AGAP1: variants seen among roughly 807,000 people sequenced by gnomAD.
The protein encoded by AGAP1 is ArfGAP with GTPase domain, ankyrin repeat and PH domain 1, also known as arf-GAP with GTPase, ANK repeat and PH domain-containing protein 1.
Under a neutral mutation model 105.3 loss-of-function variants are expected in AGAP1, and 29 were observed. The observed-to-expected ratio is 0.28, with a 90% confidence interval of 0.21 to 0.38. AGAP1 has a LOEUF of 0.38. Ranked by LOEUF, AGAP1 falls within the 10% of genes least tolerant of loss-of-function variation. The probability of loss-of-function intolerance (pLI) is 1.00; values close to 1 mark genes in which losing one functional copy is unlikely to be tolerated. For missense variants in AGAP1, 998 were observed against 1,165.1 expected, an observed-to-expected ratio of 0.86 and a Z score of 2.09; for synonymous variants, 509 against 485.9, an observed-to-expected ratio of 1.05 and a Z score of -0.63.
intron 1 of AGAP1, among the ~76,000 whole-genome samples, chr2:235,640,833 A>C (rs950784176): frequency 6.6e-6 from 1 of 152,214 alleles, no homozygotes; most frequent in Admixed American, 6.5e-5. Flanking sequence ...CCACTTGAAG[A>C]AGTGTCAGAA....
At chr2:235,825,367 A>C (rs943336773) in intron 9 of AGAP1, among the ~76,000 whole-genome samples, 7 of 152,214 alleles carry the variant, frequency 4.6e-5, no homozygotes. Context: ...TGAGGAAAAC[A>C]TTTTTAATAT....
chr2:235,738,120 C>T lies in AGAP1; in HGVS notation c.311-2843C>T, dbSNP rs187443946. On this transcript the variant is annotated intron_variant, in intron 3 of 17. Coordinates refer to ENST00000304032, the MANE Select transcript of AGAP1 (RefSeq NM_001037131.3). ...TGTTAGGGGAAGGAGGGACTGAGGC[C>T]GGGAGTGGGCACGGGCAGGCAGGAA... Among the ~76,000 whole-genome samples the T allele has an allele frequency of 8.7e-4, 132 of 152,016 alleles. 3 individuals are homozygous for T. The East Asian group carries it at 0.02, about 23-fold the overall frequency.
chr2:235,896,263 G>A (rs2050802696), intron 10 of AGAP1, among the ~76,000 whole-genome samples: 1 of 152,174 alleles, frequency 6.6e-6, no homozygotes, highest in African/African-American at 2.4e-5. Flanking sequence ...TCTTCCAGTT[G>A]TAGTGTGTGT....
At chr2:235,781,184 G>A (rs896374007) in intron 6 of AGAP1, among the ~76,000 whole-genome samples, 2 of 152,138 alleles carry the variant, frequency 1.3e-5, no homozygotes, top group African/African-American at 4.8e-5. Context: ...TTGAAGCTCA[G>A]TCTTGTGAAA....
intron 1 of AGAP1, among the ~76,000 whole-genome samples, chr2:235,567,315 A>G (rs976571206): frequency 6.6e-6 from 1 of 152,196 alleles, no homozygotes; most frequent in Admixed American, 6.5e-5. Flanking sequence ...TGTTCATGAG[A>G]GAGGACTGCT....
intron 13 of AGAP1, among the ~76,000 whole-genome samples, chr2:236,016,951 T>A (rs913507709): frequency 6.6e-6 from 1 of 152,048 alleles, no homozygotes; most frequent in Non-Finnish European, 1.5e-5. Flanking sequence ...AAGATTAACA[T>A]GTGTACACAT....
intron 15 of AGAP1, 23 bp from the exon 16 acceptor site, chr2:236,049,036 G>A (rs1185740241): frequency 6.2e-7 from 1 of 1,601,990 alleles, no homozygotes; most frequent in African/African-American, 1.3e-5. Flanking sequence ...ATTGCGTTTA[G>A]CGTTCTGTTC....
Position 235,723,043 on chromosome 2 carries a change from C to T in AGAP1, c.310+5399C>T, listed in dbSNP as rs1951466788. On this transcript the variant is annotated intron_variant, in intron 3 of 17. Transcript: ENST00000304032. The surrounding 1 kb of genome is among the most constrained non-coding windows in gnomAD (Gnocchi z 6.2). ...CACTTAGAACTGTTGGAGTTGGCCC[C>T]ATCACTTGGTGGTGGTCATGGTTCT... 6.6e-6 allele frequency among the ~76,000 whole-genome samples: 1 copy of T among 152,150 alleles called. No homozygotes were observed. The highest frequency in any genetic ancestry group is 1.5e-5 in the Non-Finnish European group (1 of 68,034).
At chr2:235,925,374 G>A (rs1279303506) in intron 11 of AGAP1, among the ~76,000 whole-genome samples, 2 of 152,064 alleles carry the variant, frequency 1.3e-5, no homozygotes, top group African/African-American at 2.4e-5. Context: ...CCTTAGACAC[G>A]GGAATGAAAT....
chr2:235,572,363 C>T (rs1445120726), intron 1 of AGAP1, among the ~76,000 whole-genome samples: 1 of 151,990 alleles, frequency 6.6e-6, no homozygotes, highest in East Asian at 1.9e-4. Context: ...TGAGCCCCAT[C>T]AGTGGCACCT....
Position 235,874,119 on chromosome 2 carries a change from G to A in AGAP1, c.1051-9226G>A, listed in dbSNP as rs761657644. On this transcript the variant is annotated intron_variant, in intron 9 of 17. Coordinates refer to ENST00000304032, the MANE Select transcript of AGAP1 (RefSeq NM_001037131.3). The surrounding 1 kb of genome is among the most constrained non-coding windows in gnomAD (Gnocchi z 4.5). ...TGTCGCCAGGCTGGAGTGCAGTGGC[G>A]TGATCTCAGCTCACTGCAACCTCTC... Among the ~76,000 whole-genome samples the A allele has an allele frequency of 2.6e-5, 4 of 151,976 alleles. No individual in the cohort carries two copies. The highest frequency in any genetic ancestry group is 6.5e-5 in the Admixed American group (1 of 15,276).
rs1370570916 is a variant in AGAP1 at position 235,729,130 on chromosome 2, G to T, written c.310+11486G>T. ...AGGGGGACCTAAGAGGACAGATAGG[G>T]GAATCCCCAGGCCACCTCTGGACCT... On this transcript the variant is annotated intron_variant, in intron 3 of 17. Coordinates refer to ENST00000304032, the MANE Select transcript of AGAP1 (RefSeq NM_001037131.3). The surrounding 1 kb of genome is among the most constrained non-coding windows in gnomAD (Gnocchi z 5.0). Among the ~76,000 whole-genome samples the T allele has an allele frequency of 6.6e-6, 1 of 152,122 alleles. No individual in the cohort carries two copies. Among genetic ancestry groups the T allele is most frequent in the Non-Finnish European group, 1.5e-5 (1 of 68,028 alleles).
At chr2:235,899,843 G>A (rs774911995) in intron 10 of AGAP1, among the ~76,000 whole-genome samples, 3 of 152,274 alleles carry the variant, frequency 2.0e-5, no homozygotes, top group African/African-American at 2.4e-5. Flanking sequence ...TTACAACTGC[G>A]TAATACTCAA....
At chr2:235,873,740 G>A (rs10168163) in intron 9 of AGAP1, among the ~76,000 whole-genome samples, 3,448 of 152,278 alleles carry the variant, frequency 0.023, 88 homozygotes, top group South Asian at 0.087. Context: ...TTTTCGTTTT[G>A]TTTTTGAGAC....
rs7606315 is a variant in AGAP1, at chr2:235,875,687, G to C, written c.1051-7658G>C. Among the ~76,000 whole-genome samples, 39 of 152,264 alleles carry C rather than the reference G, an allele frequency of 2.6e-4. No homozygotes were observed. The highest frequency in any genetic ancestry group is 8.9e-4 in the African/African-American group (37 of 41,556). ...TTTCCCATCTGCATTTGCTTATGGGGCGCCATGACACCAACACATGGAGCC... is the reference window on the plus strand; with the variant it reads ...TTTCCCATCTGCATTTGCTTATGGGCCGCCATGACACCAACACATGGAGCC... On this transcript the variant is annotated intron_variant, in intron 9 of 17. Transcript: ENST00000304032. The surrounding 1 kb of genome is among the most constrained non-coding windows in gnomAD (Gnocchi z 4.0).
At chr2:235,658,961 C>G (rs1337665201) in intron 1 of AGAP1, among the ~76,000 whole-genome samples, 1 of 152,206 alleles carries the variant, frequency 6.6e-6, no homozygotes, top group Admixed American at 6.5e-5. Context: ...GCCCTCCCTC[C>G]TCCTCTTTCC....
intron 1 of AGAP1, among the ~76,000 whole-genome samples, chr2:235,545,510 G>A (rs1943593874): frequency 6.6e-6 from 1 of 152,140 alleles, no homozygotes; most frequent in South Asian, 2.1e-4. Flanking sequence ...AGCAGCTGGG[G>A]TTTTCTGCTT....
At chr2:235,932,576 G>A (rs1010285842) in intron 12 of AGAP1, among the ~76,000 whole-genome samples, 1 of 152,222 alleles carries the variant, frequency 6.6e-6, no homozygotes, top group African/African-American at 2.4e-5. Flanking sequence ...AGGTGCACAG[G>A]TGACACGGAC....
chr2:235,928,666 C>T (rs78980067), intron 11 of AGAP1, among the ~76,000 whole-genome samples: 5,004 of 152,216 alleles, frequency 0.033, 290 homozygotes, highest in African/African-American at 0.11. Context: ...GAGGGGGTCC[C>T]GAGATGGGAG....
Sources: gnomAD v4.1 joint callset for allele counts (sites outside exome capture counted in the v4.1 genomes callset) on GRCh38, gnomAD v4.1.1 for gene constraint, Gnocchi (gnomAD v3.1) non-coding constraint, MANE v1.5 for transcripts, NCBI Gene and HGNC (gene_info 2026-07-23, HGNC 2026-07-21) for gene names.